RNF213: variants seen among roughly 807,000 people sequenced by gnomAD.
RNF213 encodes ring finger protein 213, also known as E3 ubiquitin-protein ligase RNF213.
In RNF213, 341 loss-of-function variants were observed where a neutral mutation model predicts 514.4. The ratio of observed to expected loss-of-function variants is 0.66; its 90% confidence interval spans 0.61 to 0.73. The LOEUF is 0.73. RNF213 is among the 30% of genes least tolerant of loss of function. RNF213 has a pLI of 0.00. For synonymous variants in RNF213, 2,655 were observed against 2,658.2 expected (o/e 1.00, Z 0.04); for missense variants, 5,767 against 6,615.6 (o/e 0.87, Z 4.45).
chr17:80,344,108 C>A, intron 28 of RNF213, 93 bp downstream of exon 28: 1 of 1,354,606 alleles, frequency 7.4e-7, no homozygotes, highest in Non-Finnish European at 1.0e-6. Flanking sequence ...GGAGACTCCA[C>A]ATCTTTGCCT....
intron 14 of RNF213, among the ~76,000 whole-genome samples, chr17:80,311,964 T>A (rs1427493789): frequency 6.6e-6 from 1 of 151,844 alleles, no homozygotes; most frequent in African/African-American, 2.4e-5. Context: ...CTGTCTCTAC[T>A]AAAAAATACA....
At position 80,298,089 on chromosome 17, in the gene RNF213, T is replaced by G. The variant is rs2045027294; in HGVS notation, c.2013-232T>G. The stretch of plus-strand genomic sequence containing the variant: ...ACCCCTGCTTCTGAGATCCCTCCCC[T>G]GTCCTGGGAGTTTGTTGTGGGGATT... On this transcript the variant is annotated intron_variant, in intron 10 of 67. Coordinates refer to ENST00000582970, the MANE Select transcript of RNF213 (RefSeq NM_001256071.3). Among the ~76,000 whole-genome samples the G allele has an allele frequency of 2.6e-5, 4 of 152,326 alleles. No individual in the cohort carries two copies. The South Asian group carries it at 8.3e-4, about 32-fold the overall frequency.
In RNF213 at chr17:80,339,944, C is replaced by G; in HGVS notation, c.5577C>G (p.Tyr1859Ter). 6.5e-7 allele frequency: 1 copy of G among 1,537,020 alleles called. No individual in the cohort carries two copies. The highest frequency in any genetic ancestry group is 2.0e-5 in the Admixed American group (1 of 51,004). The change falls in exon 26 of 68, where the codon TAC (tyrosine) becomes TAG (stop). Residue 1859 changes from tyrosine (Y) to a stop codon, truncating the protein, a stop_gained. Transcript: ENST00000582970. LOFTEE classifies it high-confidence loss of function. ...CCCCAAGCCAGCCCCTGCCCACTTA[C>G]GATGAGGTGCTGCTCTGCACCCCGG... ...MQTPSQPLPT[Y>*]DEVLLCTPAT...
At chr17:80,361,451 C>T (rs767168847) in intron 38 of RNF213, among the ~76,000 whole-genome samples, 56 of 152,176 alleles carry the variant, frequency 3.7e-4, no homozygotes, top group Admixed American at 2.0e-4. Flanking sequence ...ACCTGGGAGG[C>T]GGAGGTTGCA....
chr17:80,392,683 G>A (rs1239638040), intron 67 of RNF213, among the ~76,000 whole-genome samples: 1 of 151,968 alleles, frequency 6.6e-6, no homozygotes, highest in Non-Finnish European at 1.5e-5. Context: ...TCCACCTCCT[G>A]GGTTCAAGTG....
chr17:80,289,296 A>T (rs987987137), intron 5 of RNF213, among the ~76,000 whole-genome samples: 1 of 152,152 alleles, frequency 6.6e-6, no homozygotes, highest in South Asian at 2.1e-4. Flanking sequence ...GTAGGGGTCA[A>T]TGTGGAGGCT....
chr17:80,352,390 A>AGACTCCC (rs1451607979), intron 32 of RNF213: 5 of 281,692 alleles, frequency 1.8e-5, no homozygotes, highest in Non-Finnish European at 2.7e-5. Flanking sequence ...CACGGCGTGG[A>AGACTCCC]GACTCCCGAC....
intron 21 of RNF213, among the ~76,000 whole-genome samples, chr17:80,332,907 C>T (rs1291414872): frequency 1.3e-5 from 2 of 152,086 alleles, no homozygotes; most frequent in African/African-American, 2.4e-5. Flanking sequence ...CTTTTCATAA[C>T]GGGCATTTGT....
intron 29 of RNF213, 29 bp from the exon 30 acceptor site, chr17:80,349,741 C>A: frequency 1.2e-6 from 2 of 1,612,914 alleles, no homozygotes; most frequent in Non-Finnish European, 1.7e-6. Context: ...TGAAGTCTGG[C>A]AAGTAATTTG....
chr17:80,378,400 G>A (rs2079848611), intron 54 of RNF213, among the ~76,000 whole-genome samples: 1 of 152,206 alleles, frequency 6.6e-6, no homozygotes, highest in South Asian at 2.1e-4. Flanking sequence ...CACAGTATCT[G>A]TACTTGCTGA....
At chr17:80,310,622 G>C (rs556396268) in intron 14 of RNF213, among the ~76,000 whole-genome samples, 97 of 147,582 alleles carry the variant, frequency 6.6e-4, no homozygotes, top group African/African-American at 2.0e-3. Flanking sequence ...GCGTGATCTC[G>C]GCTCACCACA....
Position 80,334,191 on chromosome 17 carries a change from C to T in RNF213, c.4230C>T (p.Ile1410=). 6.5e-7 allele frequency: 1 copy of T among 1,537,274 alleles called. No homozygotes were observed. Among genetic ancestry groups the T allele is most frequent in the Non-Finnish European group, 8.7e-7 (1 of 1,146,910 alleles). ...AGGCCAAAAAGCTGCTCCAGGACAT[C>T]AGCGAGGCCCGGTGCAAGGGGCTGC... is the stretch of plus-strand genomic sequence containing the variant. The part of the protein sequence containing the change: ...LIQAKKLLQD[I]SEARCKGLQA... The change falls in exon 22 of 68, where the codon ATC becomes ATT. Residue 1410 remains isoleucine, a synonymous_variant. Transcript: ENST00000582970.
chr17:80,375,722 A>G (rs2079726647), intron 50 of RNF213, 38 bp from the exon 51 acceptor site: 1 of 1,381,300 alleles, frequency 7.2e-7, no homozygotes, highest in Non-Finnish European at 1.0e-6. Context: ...AGATGTGTTG[A>G]GCTTTTAAAT....
At position 80,354,554 on chromosome 17, in the gene RNF213, C is replaced by T. The variant is rs146746574; in HGVS notation, c.10840C>T (p.Leu3614Phe). ...LAREACNQDALQEAGTFRHTL... is the reference protein window; with the variant it reads ...LAREACNQDAFQEAGTFRHTL... ...AAGGGAAGCCTGCAACCAGGACGCT[C>T]TCCAGGAGGCGGGCACATTCAGGTA... is the stretch of plus-strand genomic sequence containing the variant. The change falls in exon 36 of 68, where the codon CTC becomes TTC. Residue 3614 changes from leucine (L) to phenylalanine (F), a missense_variant. This residue lies in a region of RNF213 where 919 missense variants were observed against 1,121.0 expected (regional missense o/e 0.82). Coordinates refer to ENST00000582970, the MANE Select transcript of RNF213 (RefSeq NM_001256071.3). 2 of 1,614,104 alleles carry T rather than the reference C, an allele frequency of 1.2e-6. No homozygotes were observed. The highest frequency in any genetic ancestry group is 1.7e-6 in the Non-Finnish European group (2 of 1,180,046).
rs751774635 is a variant in RNF213 at position 80,390,090 on chromosome 17, A to T, written c.15364A>T (p.Asn5122Tyr). Reference sequence around the variant, plus strand: ...TGCTAAGCTCCTCAGCACATTCCTAAATCAGACTGGCCTAGACGCCTTCCT... The same window carrying T: ...TGCTAAGCTCCTCAGCACATTCCTATATCAGACTGGCCTAGACGCCTTCCT... ...ENAKLLSTFL[N>Y]QTGLDAFLLE... The change falls in exon 67 of 68, where the codon AAT becomes TAT. Residue 5122 changes from asparagine (N) to tyrosine (Y), a missense_variant. This residue lies in a region of RNF213 where 1,245 missense variants were observed against 1,339.0 expected (regional missense o/e 0.93). Transcript: ENST00000582970. 1.8e-5 allele frequency: 29 copies of T among 1,614,192 alleles called. No homozygotes were observed. The highest frequency in any genetic ancestry group is 2.4e-5 in the Non-Finnish European group (28 of 1,180,040).
intron 58 of RNF213, 114 bp downstream of exon 58, chr17:80,383,184 T>C (rs2080093497): frequency 1.3e-6 from 1 of 753,494 alleles, no homozygotes. Context: ...GCAAGAGCCT[T>C]TGACTGAGCC....
Position 80,363,959 on chromosome 17 carries a change from G to A in RNF213, c.11750+169G>A, listed in dbSNP as rs185713484. Among the ~76,000 whole-genome samples the A allele has an allele frequency of 3.8e-3, 586 of 152,352 alleles. 6 individuals are homozygous for A. Among genetic ancestry groups the A allele is most frequent in the African/African-American group, 0.012 (507 of 41,584 alleles). On this transcript the variant is annotated intron_variant, in intron 41 of 67. Coordinates refer to ENST00000582970, the MANE Select transcript of RNF213 (RefSeq NM_001256071.3). ...GCCGAACCCTTAGTGAGTGCCAGGC[G>A]TCTCATTAGGGTGCTGGAGACACGA... is the stretch of plus-strand genomic sequence containing the variant.
intron 3 of RNF213, among the ~76,000 whole-genome samples, chr17:80,285,451 C>T (rs2044436845): frequency 6.6e-6 from 1 of 152,172 alleles, no homozygotes; most frequent in Non-Finnish European, 1.5e-5. Context: ...GGGCTGGGAC[C>T]CCACCTGCCA....
At position 80,361,855 on chromosome 17, in the gene RNF213, G is replaced by T; in HGVS notation, c.11322G>T (p.Leu3774Phe). 1.2e-6 allele frequency: 2 copies of T among 1,613,676 alleles called. No homozygotes were observed. Among genetic ancestry groups the T allele is most frequent in the South Asian group, 2.2e-5 (2 of 90,978 alleles). Reference protein sequence around the residue: ...LQCYLKDFILLTMRVSTEEEL... With the variant: ...LQCYLKDFILFTMRVSTEEEL... ...GTTACTTGAAGGATTTCATTCTCTT[G>T]ACCATGCGTGTGTCAACGGAGGAGG... Residue 3774 changes from leucine to phenylalanine, a missense_variant, in exon 39 of 68, where the codon TTG (leucine) becomes TTT (phenylalanine). By Grantham distance (22) the Leu-to-Phe change is conservative. Around this residue, in one of 13 missense-constraint regions of RNF213, gnomAD observed 355 missense variants for 358.0 expected, o/e 0.99. Coordinates refer to ENST00000582970, the MANE Select transcript of RNF213 (RefSeq NM_001256071.3).
Sources: allele counts gnomAD v4.1 joint callset (sites outside exome capture counted in the v4.1 genomes callset), GRCh38; gene constraint gnomAD v4.1.1; regional missense constraint gnomAD v4.1.1; transcripts MANE v1.5; gene names NCBI Gene and HGNC (gene_info 2026-07-23, HGNC 2026-07-21).